Variants in ACACB observed in about 807,000 individuals in gnomAD.
The protein encoded by ACACB is acetyl-CoA carboxylase beta, also known as acetyl-CoA carboxylase 2.
In ACACB, 209 loss-of-function variants were observed where a neutral mutation model predicts 278.8. The observed-to-expected ratio is 0.75, with a 90% CI of 0.67 to 0.84. ACACB has a LOEUF of 0.84. Ranked by LOEUF, ACACB falls within the 40% of genes least tolerant of loss-of-function variation. ACACB has a pLI of 0.00. For missense variants in ACACB, 2,850 were observed against 3,269.0 expected, an observed-to-expected ratio of 0.87 and a Z score of 3.13; for synonymous variants, 1,174 against 1,285.6, an observed-to-expected ratio of 0.91 and a Z score of 1.86.
At chr12:109,218,313 C>T (rs904067392) in intron 24 of ACACB, among the ~76,000 whole-genome samples, 1 of 151,830 alleles carries the variant, frequency 6.6e-6, no homozygotes, top group African/African-American at 2.4e-5. Flanking sequence ...GCCATCCTCC[C>T]ACCTCAGCCT....
intron 24 of ACACB, among the ~76,000 whole-genome samples, 191 bp from the exon 25 acceptor site, chr12:109,222,316 A>AGTG (rs2046192179): frequency 1.3e-5 from 2 of 152,186 alleles, no homozygotes; most frequent in South Asian, 2.1e-4. Context: ...TGAGTGAGTG[A>AGTG]ATGAATGACT....
At chr12:109,153,652 A>C (rs1386825769) in intron 2 of ACACB, among the ~76,000 whole-genome samples, 1 of 152,156 alleles carries the variant, frequency 6.6e-6, no homozygotes, top group Admixed American at 6.6e-5. Context: ...TACTTGAAGA[A>C]GCATTCATTC....
intron 1 of ACACB, among the ~76,000 whole-genome samples, chr12:109,128,352 T>A (rs1174252347): frequency 1.3e-5 from 2 of 151,770 alleles, no homozygotes; most frequent in Non-Finnish European, 2.9e-5. Context: ...TTATTTTATT[T>A]TTTAGACGGA....
At position 109,258,342 on chromosome 12, in the gene ACACB, C is replaced by G; in HGVS notation, c.6338C>G (p.Ala2113Gly). The G allele has an allele frequency of 6.2e-7, 1 of 1,611,942 alleles. No individual in the cohort carries two copies. The highest frequency in any genetic ancestry group is 1.1e-5 in the South Asian group (1 of 90,628). ...GAGGTGGCAGTCCCTGCAGACCCTG[C>G]CAACCTGGATTCTGAGGCCAAGGTG... is the stretch of plus-strand genomic sequence containing the variant. ...TVEVAVPADPANLDSEAKIIQ... is the reference protein window; with the variant it reads ...TVEVAVPADPGNLDSEAKIIQ... Residue 2113 changes from alanine to glycine, a missense_variant, in exon 46 of 53, where the codon GCC (alanine) becomes GGC (glycine). Ala to Gly is a moderately conservative substitution (Grantham distance 60). Around this residue, in one of 3 missense-constraint regions of ACACB, gnomAD observed 579 missense variants for 684.6 expected, o/e 0.85. Coordinates refer to ENST00000338432, the MANE Select transcript of ACACB (RefSeq NM_001093.4).
At chr12:109,227,242 A>T in intron 27 of ACACB, 129 bp from the exon 28 acceptor site, 2 of 826,384 alleles carry the variant, frequency 2.4e-6, no homozygotes, top group Non-Finnish European at 3.8e-6. Flanking sequence ...GAGCCACTGC[A>T]CCCGGCCTGC....
chr12:109,169,699 C>T (rs901084981), intron 4 of ACACB, among the ~76,000 whole-genome samples: 7 of 152,168 alleles, frequency 4.6e-5, no homozygotes, highest in South Asian at 2.1e-4. Context: ...ACATGATCAT[C>T]GCATCTCTCT....
chr12:109,255,122 G>A (rs142000074), intron 44 of ACACB, among the ~76,000 whole-genome samples: 20 of 151,878 alleles, frequency 1.3e-4, no homozygotes, highest in South Asian at 4.2e-4. Context: ...ACACACGCAC[G>A]TGGACACGTG....
intron 5 of ACACB, 35 bp downstream of exon 5, chr12:109,171,949 A>C: frequency 6.5e-7 from 1 of 1,545,022 alleles, no homozygotes; most frequent in Non-Finnish European, 8.9e-7. Flanking sequence ...GTGGCCCCTG[A>C]GTGTGGGATG....
intron 36 of ACACB, 119 bp downstream of exon 36, chr12:109,241,400 C>G (rs2046795690): frequency 1.9e-6 from 2 of 1,053,154 alleles, no homozygotes; most frequent in East Asian, 4.8e-5. Context: ...CCATGTCATT[C>G]TGGGTTGGGG....
At chr12:109,172,945 A>C (rs967295634) in intron 6 of ACACB, among the ~76,000 whole-genome samples, 1 of 152,228 alleles carries the variant, frequency 6.6e-6, no homozygotes, top group Non-Finnish European at 1.5e-5. Context: ...AGATTGGATA[A>C]AGAAAATGTG....
chr12:109,210,451 A>ATATGTATATATACATG (rs1565928631), intron 21 of ACACB, among the ~76,000 whole-genome samples: 2 of 126,486 alleles, frequency 1.6e-5, no homozygotes, highest in East Asian at 4.1e-4. Context: ...ACATGTGTAT[A>ATATGTATATATACATG]TATGTATATA....
chr12:109,208,311 G>T, intron 20 of ACACB, among the ~76,000 whole-genome samples: 1 of 151,716 alleles, frequency 6.6e-6, no homozygotes, highest in East Asian at 1.9e-4. Context: ...CGACCTCTGG[G>T]TTCAAGCAAT....
intron 12 of ACACB, 133 bp downstream of exon 12, chr12:109,185,873 A>G: frequency 1.3e-6 from 1 of 755,734 alleles, no homozygotes; most frequent in Non-Finnish European, 2.0e-6. Flanking sequence ...AAACTGAGGC[A>G]TGGGAAGGGA....
upstream of ACACB, among the ~76,000 whole-genome samples, chr12:109,113,795 G>A (rs2042353267): frequency 6.6e-6 from 1 of 152,306 alleles, no homozygotes; most frequent in African/African-American, 2.4e-5. Context: ...AGGAAAAACA[G>A]GTTGCAGGGA....
intron 9 of ACACB, among the ~76,000 whole-genome samples, chr12:109,176,979 T>G (rs1466849323): frequency 6.6e-6 from 1 of 152,250 alleles, no homozygotes; most frequent in Non-Finnish European, 1.5e-5. Context: ...TTTTCCTCTT[T>G]TAAAACCTTA....
chr12:109,111,734 T>G (rs144503834), upstream of ACACB, among the ~76,000 whole-genome samples: 1,409 of 152,140 alleles, frequency 9.3e-3, 27 homozygotes, highest in African/African-American at 0.031. Context: ...TTTTGTACTT[T>G]TAGTAGAGAA....
intron 7 of ACACB, among the ~76,000 whole-genome samples, chr12:109,175,275 C>A (rs1417130179): frequency 6.6e-6 from 1 of 151,720 alleles, no homozygotes; most frequent in Non-Finnish European, 1.5e-5. Flanking sequence ...GGAAAATTTG[C>A]TTTCATTTGT....
Position 109,267,233 on chromosome 12 carries a change from C to G in ACACB, c.*871C>G, listed in dbSNP as rs1055313973. The G allele has an allele frequency of 1.3e-5, 2 of 152,142 alleles. No homozygotes were observed. The highest frequency in any genetic ancestry group is 2.9e-5 in the Non-Finnish European group (2 of 68,020). 9.4% of individuals were successfully genotyped at this position (152,142 alleles called of 1,614,324 possible). A position where few individuals can be genotyped will look rare whatever the true frequency, so the allele number is the denominator to read the frequency against. Reference sequence around the variant, plus strand: ...ATGCTATTTTGTTCCCCAAATGGCGCTAGTGAATCACTAGGAGGGTCCCAC... The same window carrying G: ...ATGCTATTTTGTTCCCCAAATGGCGGTAGTGAATCACTAGGAGGGTCCCAC... On this transcript the variant is annotated 3_prime_UTR_variant, in exon 53 of 53. Coordinates refer to ENST00000338432, the MANE Select transcript of ACACB (RefSeq NM_001093.4).
At chr12:109,130,364 A>G (rs2042791954) in intron 1 of ACACB, among the ~76,000 whole-genome samples, 1 of 152,198 alleles carries the variant, frequency 6.6e-6, no homozygotes, top group Non-Finnish European at 1.5e-5. Flanking sequence ...TAAGTGGCAG[A>G]ACCGACATGT....
Sources: allele counts gnomAD v4.1 joint callset (sites outside exome capture counted in the v4.1 genomes callset), GRCh38; gene constraint gnomAD v4.1.1; regional missense constraint gnomAD v4.1.1; transcripts MANE v1.5; gene names NCBI Gene and HGNC (gene_info 2026-07-23, HGNC 2026-07-21).